Variants in NRG3 observed in about 807,000 individuals in gnomAD.
The protein encoded by NRG3 is neuregulin 3.
Under a neutral mutation model 66.9 loss-of-function variants are expected in NRG3, and 31 were observed. The observed-to-expected ratio is 0.46, with a 90% CI of 0.35 to 0.63. NRG3 has a LOEUF of 0.63. Ranked by LOEUF, NRG3 falls within the 20% of genes least tolerant of loss-of-function variation. The pLI, the probability that NRG3 is intolerant of heterozygous loss-of-function variation, is 0.00. For missense variants in NRG3, 910 were observed against 878.9 expected (o/e 1.04, Z -0.45); for synonymous variants, 393 against 359.4 (o/e 1.09, Z -1.06).
At chr10:82,911,122 C>T (rs772538539) in intron 4 of NRG3, among the ~76,000 whole-genome samples, 13 of 152,118 alleles carry the variant, frequency 8.5e-5, no homozygotes, top group Admixed American at 1.3e-4. Context: ...TATGTATGCA[C>T]GATCTTTGCA....
intron 3 of NRG3, among the ~76,000 whole-genome samples, chr10:82,815,409 G>A (rs1328035396): frequency 6.6e-6 from 1 of 152,058 alleles, no homozygotes; most frequent in Non-Finnish European, 1.5e-5. Flanking sequence ...TCACTTAAAA[G>A]CTTACAACAA....
chr10:82,122,223 G>T (rs2068134814), intron 1 of NRG3, among the ~76,000 whole-genome samples: 2 of 152,026 alleles, frequency 1.3e-5, no homozygotes, highest in South Asian at 2.1e-4. Context: ...TAAAACCTTG[G>T]TCCTCTGTGG....
At chr10:82,455,458 G>A (rs1478426719) in intron 2 of NRG3, among the ~76,000 whole-genome samples, 1 of 152,090 alleles carries the variant, frequency 6.6e-6, no homozygotes, top group East Asian at 1.9e-4. Flanking sequence ...GACAAAAGGT[G>A]AAAATGGTAC....
At chr10:82,623,422 T>A (rs1162587854) in intron 2 of NRG3, among the ~76,000 whole-genome samples, 1 of 152,208 alleles carries the variant, frequency 6.6e-6, no homozygotes, top group Non-Finnish European at 1.5e-5. Flanking sequence ...GTGTGGACTC[T>A]GAATCAGATT....
At chr10:82,435,141 A>G (rs2090055920) in intron 2 of NRG3, among the ~76,000 whole-genome samples, 1 of 152,088 alleles carries the variant, frequency 6.6e-6, no homozygotes, top group African/African-American at 2.4e-5. Context: ...TGGTTTATTC[A>G]GGAATTTGAC....
At chr10:82,676,459 G>C (rs1398531787) in intron 2 of NRG3, among the ~76,000 whole-genome samples, 1 of 151,924 alleles carries the variant, frequency 6.6e-6, no homozygotes, top group Non-Finnish European at 1.5e-5. Flanking sequence ...AACATATTTT[G>C]GTCTGCCATT....
In NRG3 at chr10:82,279,661, T is replaced by G. The variant is rs79590013; in HGVS notation, c.824-79078T>G. On this transcript the variant is annotated intron_variant, in intron 1 of 8. Transcript: ENST00000372141. ...CATTTTTCTGACAACGAACACGGAG[T>G]GAAAGATTATTAAAACTGATTTCTC... Among the ~76,000 whole-genome samples, 1,390 of 152,252 alleles carry G rather than the reference T, an allele frequency of 9.1e-3. 4 individuals carry two copies. Among genetic ancestry groups the G allele is most frequent in the Admixed American group, 0.015 (227 of 15,278 alleles).
intron 1 of NRG3, among the ~76,000 whole-genome samples, chr10:82,017,841 C>A (rs1047206265): frequency 5.3e-5 from 8 of 151,980 alleles, no homozygotes; most frequent in African/African-American, 1.9e-4. Context: ...GGATATTAGC[C>A]CTTTGTCAGA....
At chr10:82,033,905 G>A (rs2062680114) in intron 1 of NRG3, among the ~76,000 whole-genome samples, 1 of 152,094 alleles carries the variant, frequency 6.6e-6, no homozygotes, top group Non-Finnish European at 1.5e-5. Flanking sequence ...AAAACTGCCT[G>A]TGAAAATGTT....
intron 1 of NRG3, among the ~76,000 whole-genome samples, chr10:82,354,420 C>T (rs2083647164): frequency 6.8e-6 from 1 of 146,062 alleles, no homozygotes; most frequent in African/African-American, 2.6e-5. Flanking sequence ...GACAGAGTTT[C>T]GCTCTTGTTA....
chr10:82,834,035 A>G (rs532947080), intron 3 of NRG3, among the ~76,000 whole-genome samples: 2 of 152,292 alleles, frequency 1.3e-5, no homozygotes, highest in South Asian at 2.1e-4. Flanking sequence ...TCCAAAAAGC[A>G]GAGATCAGCC....
At chr10:82,008,717 C>G (rs541049996) in intron 1 of NRG3, among the ~76,000 whole-genome samples, 4 of 151,860 alleles carry the variant, frequency 2.6e-5, no homozygotes, top group African/African-American at 9.7e-5. Flanking sequence ...TCCTTGGTAC[C>G]CATGAGGAAC....
rs374143982 is a variant in NRG3 at position 81,970,834 on chromosome 10, A to T, written c.823+94671A>T. Among the ~76,000 whole-genome samples the T allele has an allele frequency of 1.3e-4, 20 of 152,296 alleles. 2 individuals are homozygous for T. The highest frequency in any genetic ancestry group is 4.8e-4 in the African/African-American group (20 of 41,572). On this transcript the variant is annotated intron_variant, in intron 1 of 8. Coordinates refer to ENST00000372141, the MANE Select transcript of NRG3 (RefSeq NM_001010848.4). Reference sequence around the variant, plus strand: ...TAGGAAGCACATTTTAAGAATAACAATACAAAATTAAGAACACAACAGTGG... The same window carrying T: ...TAGGAAGCACATTTTAAGAATAACATTACAAAATTAAGAACACAACAGTGG...
chr10:82,277,926 G>T (rs2078934743), intron 1 of NRG3, among the ~76,000 whole-genome samples: 1 of 152,056 alleles, frequency 6.6e-6, no homozygotes, highest in African/African-American at 2.4e-5. Context: ...AGCTTTGGAG[G>T]AGTCAATAAG....
intron 1 of NRG3, among the ~76,000 whole-genome samples, chr10:82,134,950 T>TA (rs2069214874): frequency 6.6e-6 from 1 of 151,744 alleles, no homozygotes; most frequent in South Asian, 2.1e-4. Flanking sequence ...TGGTGAAACC[T>TA]CATCTCTACT....
chr10:82,338,195 G>A (rs1468745288), intron 1 of NRG3, among the ~76,000 whole-genome samples: 1 of 152,216 alleles, frequency 6.6e-6, no homozygotes, highest in African/African-American at 2.4e-5. Context: ...TGATAGTAAA[G>A]TTGTAGGTAG....
intron 1 of NRG3, among the ~76,000 whole-genome samples, chr10:82,137,491 G>A (rs141881090): frequency 1.3e-4 from 20 of 152,228 alleles, no homozygotes; most frequent in Non-Finnish European, 2.5e-4. Flanking sequence ...AAAATAAATA[G>A]GTTCATGTAG....
chr10:82,897,316 G>GTT (rs1204995883), intron 4 of NRG3, among the ~76,000 whole-genome samples: 3 of 152,132 alleles, frequency 2.0e-5, no homozygotes, highest in Non-Finnish European at 4.4e-5. Flanking sequence ...GTACAAGTAA[G>GTT]TTTAAATGCT....
intron 3 of NRG3, among the ~76,000 whole-genome samples, chr10:82,796,133 C>G (rs1447045294): frequency 6.6e-6 from 1 of 152,106 alleles, no homozygotes. Flanking sequence ...GCTTCTCAAA[C>G]TGTGTTGTGG....
Sources: gnomAD v4.1 joint callset for allele counts (sites outside exome capture counted in the v4.1 genomes callset) on GRCh38, gnomAD v4.1.1 for gene constraint, MANE v1.5 for transcripts, NCBI Gene and HGNC (gene_info 2026-07-23, HGNC 2026-07-21) for gene names.